The following ARL13B variants were observed in gnomAD, a reference collection of about 807,000 sequenced individuals.
ARL13B encodes the protein ARF like GTPase 13B.
ARL13B carries 36 observed loss-of-function variants against 56.1 expected under a neutral mutation model. That is an observed-to-expected ratio of 0.64 (90% CI 0.49 to 0.85). The LOEUF (loss-of-function observed/expected upper bound fraction) is 0.85. Among genes scored for constraint, ARL13B ranks in the 40% least tolerant of loss-of-function variants. The probability of loss-of-function intolerance (pLI) is 0.00; values close to 1 mark genes in which losing one functional copy is unlikely to be tolerated. For missense variants in ARL13B, 519 were observed against 507.1 expected (o/e 1.02, Z -0.23); for synonymous variants, 178 against 171.1 (o/e 1.04, Z -0.32).
intron 2 of ARL13B, among the ~76,000 whole-genome samples, chr3:93,998,891 C>T (rs575509243): frequency 6.7e-6 from 1 of 150,194 alleles, no homozygotes; most frequent in South Asian, 2.1e-4. Context: ...TACTTTTCTA[C>T]TTATTTCTGA....
intron 3 of ARL13B, among the ~76,000 whole-genome samples, chr3:94,028,196 A>G (rs2076597680): frequency 6.6e-6 from 1 of 152,164 alleles, no homozygotes; most frequent in South Asian, 2.1e-4. Flanking sequence ...GATCCCAGTC[A>G]GCATGTCAGT....
chr3:94,009,074 A>AAGAT (rs58584662), intron 3 of ARL13B, among the ~76,000 whole-genome samples: 66,471 of 143,708 alleles, frequency 0.46, 15,392 homozygotes, highest in African/African-American at 0.49. Context: ...AGGAGCAGTA[A>AAGAT]AGATAGATAG....
chr3:94,029,127 C>G (rs1393161449), intron 3 of ARL13B, among the ~76,000 whole-genome samples: 2 of 150,568 alleles, frequency 1.3e-5, no homozygotes, highest in Non-Finnish European at 3.0e-5. Context: ...TATGTTAAAT[C>G]ATTTATTTTG....
intron 8 of ARL13B, among the ~76,000 whole-genome samples, chr3:94,050,366 T>C (rs1384949868): frequency 1.3e-5 from 2 of 152,084 alleles, no homozygotes; most frequent in Non-Finnish European, 2.9e-5. Context: ...GCACTAAGCT[T>C]AGCACCTCAC....
chr3:94,028,741 A>C (rs2076607795), intron 3 of ARL13B: 1 of 152,200 alleles, frequency 6.6e-6, no homozygotes, highest in Admixed American at 6.5e-5. Flanking sequence ...CTGGATCTGC[A>C]AATTTAGTCC....
In ARL13B at chr3:94,054,959, C is replaced by G. The variant is rs141614655; in HGVS notation, c.*1696C>G. 3.6e-6 allele frequency: 1 copy of G among 281,652 alleles called. No homozygotes were observed. The highest frequency in any genetic ancestry group is 7.0e-6 in the Non-Finnish European group (1 of 142,722). The allele number at this position is 281,652 out of a possible 1,614,324, so 17.4% of individuals were successfully genotyped here. On this transcript the variant is annotated 3_prime_UTR_variant, in exon 10 of 10. Coordinates refer to ENST00000394222, the MANE Select transcript of ARL13B (RefSeq NM_001174150.2). ...TTTTAAAACTAAACTCATACTTTTGCTATCTTTTTAATATTTATCTCGTTT... is the reference window on the plus strand; with the variant it reads ...TTTTAAAACTAAACTCATACTTTTGGTATCTTTTTAATATTTATCTCGTTT...
intron 1 of ARL13B, chr3:93,988,802 T>TTA (rs757638072): frequency 5.1e-6 from 2 of 394,192 alleles, no homozygotes; most frequent in African/African-American, 2.2e-5. Flanking sequence ...TTTTTTTTTT[T>TTA]AATCTGAAGA....
chr3:94,018,629 A>AC (rs1297947344), intron 3 of ARL13B, among the ~76,000 whole-genome samples: 2 of 152,124 alleles, frequency 1.3e-5, no homozygotes, highest in African/African-American at 4.8e-5. Context: ...GCTCTTAAAA[A>AC]ACTGCCTACC....
intron 1 of ARL13B, among the ~76,000 whole-genome samples, chr3:93,992,414 C>G (rs2075892345): frequency 6.6e-6 from 1 of 152,094 alleles, no homozygotes; most frequent in Non-Finnish European, 1.5e-5. Flanking sequence ...GCTCTGTAGC[C>G]TGCTGTCTAT....
intron 3 of ARL13B, among the ~76,000 whole-genome samples, chr3:94,028,912 A>G (rs1576012235): frequency 6.6e-6 from 1 of 152,144 alleles, no homozygotes; most frequent in East Asian, 1.9e-4. Context: ...TTACTTTAAA[A>G]TGGTTGAAAT....
chr3:94,036,502 A>G, intron 4 of ARL13B, 50 bp from the exon 5 acceptor site: 1 of 1,572,638 alleles, frequency 6.4e-7, no homozygotes, highest in Non-Finnish European at 8.7e-7. Flanking sequence ...TTATGAATAG[A>G]TTTGTGTGGA....
chr3:93,988,911 C>T (rs1208737638), intron 1 of ARL13B: 2 of 318,186 alleles, frequency 6.3e-6, no homozygotes, highest in East Asian at 9.5e-5. Context: ...CTTGCTTCGC[C>T]ACCCCTTCGG....
At chr3:94,006,334 T>C (rs1193028929) in intron 3 of ARL13B, among the ~76,000 whole-genome samples, 1 of 152,170 alleles carries the variant, frequency 6.6e-6, no homozygotes, top group African/African-American at 2.4e-5. Flanking sequence ...TACTCTTTTT[T>C]TTGATATGTT....
rs1244073403 is a variant in ARL13B, at chr3:93,980,365, G to C, written c.-59G>C. 6.2e-7 allele frequency: 1 copy of C among 1,601,244 alleles called. No homozygotes were observed. Among genetic ancestry groups the C allele is most frequent in the Non-Finnish European group, 8.5e-7 (1 of 1,175,244 alleles). ...GAGTGCCGGAGGCCCCCGGGGAAGA[G>C]CGGGGTGCCGGTGTCCGCTCCGGGC... On this transcript the variant is annotated 5_prime_UTR_variant, in exon 1 of 10. Transcript: ENST00000394222.
At chr3:94,014,473 TC>T in intron 3 of ARL13B, 1 of 1,606,462 alleles carries the variant, frequency 6.2e-7, no homozygotes, top group Non-Finnish European at 8.5e-7. Flanking sequence ...TCCAAATTTC[TC>T]TTTAGTATTG....
chr3:94,044,886 G>A (rs565067991), intron 7 of ARL13B, among the ~76,000 whole-genome samples: 8 of 136,314 alleles, frequency 5.9e-5, no homozygotes, highest in Admixed American at 2.2e-4. Context: ...GCCCCTCGTC[G>A]GGGAGGTGAG....
At chr3:93,986,734 C>T (rs959504184) in intron 1 of ARL13B, among the ~76,000 whole-genome samples, 4 of 152,144 alleles carry the variant, frequency 2.6e-5, no homozygotes, top group Admixed American at 2.6e-4. Context: ...TTTGGGTGGC[C>T]GTGGTGGATG....
At chr3:94,009,352 A>G (rs1486444526) in intron 3 of ARL13B, among the ~76,000 whole-genome samples, 1 of 151,462 alleles carries the variant, frequency 6.6e-6, no homozygotes, top group African/African-American at 2.4e-5. Context: ...CAACCTTTAT[A>G]TGCTTATTTG....
In ARL13B at chr3:94,004,069, T is replaced by C. The variant is rs534808808; in HGVS notation, c.380+161T>C. ...TTGTTAATTTACTGAGGCCTTGTTA[T>C]AGTGCTGTCTATAGGGGAAAAGGGC... On this transcript the variant is annotated intron_variant, in intron 3 of 9. Coordinates refer to ENST00000394222, the MANE Select transcript of ARL13B (RefSeq NM_001174150.2). Among the ~76,000 whole-genome samples the C allele has an allele frequency of 6.6e-5, 10 of 152,274 alleles. No individual in the cohort carries two copies. In the South Asian group the frequency reaches 1.4e-3, roughly 22 times the overall value.
Sources: gnomAD v4.1 joint callset for allele counts (sites outside exome capture counted in the v4.1 genomes callset) on GRCh38, gnomAD v4.1.1 for gene constraint, MANE v1.5 for transcripts, NCBI Gene and HGNC (gene_info 2026-07-23, HGNC 2026-07-21) for gene names.